Variants in DNM3 observed in about 807,000 individuals in gnomAD.
DNM3 encodes dynamin 3.
A neutral mutation model predicts 101.6 loss-of-function variants in DNM3; 47 were observed. The observed-to-expected ratio is 0.46, with a 90% CI of 0.37 to 0.59. DNM3 has a LOEUF of 0.59. DNM3 is among the 20% of genes least tolerant of loss of function. The probability of loss-of-function intolerance (pLI) is 0.00; values close to 1 mark genes in which losing one functional copy is unlikely to be tolerated. For missense variants in DNM3, 849 were observed against 1,085.7 expected, an observed-to-expected ratio of 0.78 and a Z score of 3.06; for synonymous variants, 385 against 387.9, an observed-to-expected ratio of 0.99 and a Z score of 0.09.
At chr1:171,896,119 C>T (rs1233180339) in intron 1 of DNM3, among the ~76,000 whole-genome samples, 6 of 152,122 alleles carry the variant, frequency 3.9e-5, no homozygotes, top group Admixed American at 6.5e-5. Flanking sequence ...CTTGGCAATG[C>T]GGGCTCCTTT....
chr1:172,093,551 A>T (rs576443278), intron 13 of DNM3: 2 of 606,310 alleles, frequency 3.3e-6, no homozygotes, highest in East Asian at 2.9e-5. Context: ...TTTTTAAAAA[A>T]CTTTCAGAGG....
At chr1:172,054,734 G>A (rs2050456251) in intron 10 of DNM3, among the ~76,000 whole-genome samples, 1 of 152,136 alleles carries the variant, frequency 6.6e-6, no homozygotes, top group Admixed American at 6.5e-5. Flanking sequence ...CGAGGCGGAT[G>A]GATCACCTGA....
intron 2 of DNM3, among the ~76,000 whole-genome samples, chr1:171,958,423 A>G (rs919733883): frequency 6.6e-6 from 1 of 152,160 alleles, no homozygotes; most frequent in African/African-American, 2.4e-5. Context: ...TGTTTGGGAG[A>G]ACAAGGAAAA....
At chr1:171,922,591 A>T (rs2040263426) in intron 2 of DNM3, among the ~76,000 whole-genome samples, 1 of 152,224 alleles carries the variant, frequency 6.6e-6, no homozygotes, top group Non-Finnish European at 1.5e-5. Context: ...AGTTGAATAG[A>T]TTTTAGTCTT....
At chr1:172,244,079 T>C (rs992132282) in intron 14 of DNM3, among the ~76,000 whole-genome samples, 59 of 152,050 alleles carry the variant, frequency 3.9e-4, no homozygotes, top group Admixed American at 8.5e-4. Flanking sequence ...TGTGATCTCA[T>C]TGTTCAATTC....
chr1:172,295,015 A>C (rs2064099196), intron 15 of DNM3, among the ~76,000 whole-genome samples: 1 of 152,186 alleles, frequency 6.6e-6, no homozygotes, highest in Non-Finnish European at 1.5e-5. Flanking sequence ...CAAAGATGGA[A>C]ATCCTCAAAG....
chr1:171,922,486 C>T (rs1316897384), intron 2 of DNM3, among the ~76,000 whole-genome samples: 3 of 152,102 alleles, frequency 2.0e-5, no homozygotes, highest in Non-Finnish European at 4.4e-5. Flanking sequence ...ACTGAAGCAC[C>T]TCATAAAAAT....
chr1:172,188,557 G>A (rs1247551364), intron 14 of DNM3, among the ~76,000 whole-genome samples: 1 of 151,972 alleles, frequency 6.6e-6, no homozygotes, highest in African/African-American at 2.4e-5. Context: ...TTGTACCACA[G>A]TTTGTTTACC....
chr1:172,047,821 G>T (rs1340213946), intron 9 of DNM3, among the ~76,000 whole-genome samples: 2 of 152,118 alleles, frequency 1.3e-5, no homozygotes, highest in South Asian at 2.1e-4. Context: ...GTGGGGAGGG[G>T]AGAGAAGAGG....
chr1:172,394,704 T>C (rs367550147), intron 20 of DNM3, among the ~76,000 whole-genome samples: 5 of 152,140 alleles, frequency 3.3e-5, no homozygotes, highest in Non-Finnish European at 5.9e-5. Context: ...ACCTGACTGA[T>C]AGAGGAAAAC....
chr1:172,250,041 A>G (rs932266775), intron 14 of DNM3, among the ~76,000 whole-genome samples: 2 of 152,192 alleles, frequency 1.3e-5, no homozygotes, highest in African/African-American at 4.8e-5. Flanking sequence ...AACATTCTAA[A>G]TTCCAAATGA....
intron 9 of DNM3, among the ~76,000 whole-genome samples, chr1:172,045,317 C>T (rs759553080): frequency 2.6e-5 from 4 of 152,238 alleles, no homozygotes; most frequent in East Asian, 1.9e-4. Context: ...TTATTTCTCA[C>T]GGTTCTGGAG....
intron 14 of DNM3, among the ~76,000 whole-genome samples, chr1:172,251,943 CA>C (rs1013909547): frequency 2.6e-5 from 4 of 152,126 alleles, no homozygotes; most frequent in African/African-American, 7.2e-5. Flanking sequence ...AATAGTTTGA[CA>C]ACTGTTTTGA....
chr1:172,338,555 C>T (rs931234140), intron 17 of DNM3, among the ~76,000 whole-genome samples: 1 of 152,228 alleles, frequency 6.6e-6, no homozygotes, highest in Non-Finnish European at 1.5e-5. Context: ...AGCTTTAACA[C>T]TGATGGTGGG....
chr1:172,398,400 G>A (rs12134821), intron 20 of DNM3, among the ~76,000 whole-genome samples: 10,110 of 152,216 alleles, frequency 0.066, 394 homozygotes, highest in South Asian at 0.14. Flanking sequence ...CCTCATCCAC[G>A]TACAACATTA....
intron 1 of DNM3, among the ~76,000 whole-genome samples, chr1:171,883,590 G>T (rs2036514650): frequency 6.6e-6 from 1 of 151,748 alleles, no homozygotes; most frequent in South Asian, 2.1e-4. Context: ...TCCTGCCACA[G>T]CCTCCTGAGT....
At chr1:172,021,309 A>AT (rs915408378) in intron 4 of DNM3, among the ~76,000 whole-genome samples, 131 of 147,090 alleles carry the variant, frequency 8.9e-4, no homozygotes, top group Admixed American at 1.8e-3. Flanking sequence ...TGTCTCTACA[A>AT]TTTTTTTTTT....
intron 16 of DNM3, among the ~76,000 whole-genome samples, chr1:172,316,412 C>T (rs898086162): frequency 2.6e-5 from 4 of 151,932 alleles, no homozygotes; most frequent in African/African-American, 9.7e-5. Context: ...TGTAAAAGGA[C>T]TAAATATCCC....
chr1:172,361,006 C>T (rs2067712283), intron 17 of DNM3, among the ~76,000 whole-genome samples: 1 of 151,954 alleles, frequency 6.6e-6, no homozygotes, highest in Admixed American at 6.6e-5. Flanking sequence ...ACTAAGAAAA[C>T]TGGGGCTATA....
Sources: allele counts gnomAD v4.1 joint callset (sites outside exome capture counted in the v4.1 genomes callset), GRCh38; gene constraint gnomAD v4.1.1; transcripts MANE v1.5; gene names NCBI Gene and HGNC (gene_info 2026-07-23, HGNC 2026-07-21).